TXLNB: variants seen among roughly 807,000 people sequenced by gnomAD.
TXLNB encodes the protein beta-taxilin.
A neutral mutation model predicts 57.4 loss-of-function variants in TXLNB; 37 were observed. The observed-to-expected ratio is 0.64, with a 90% CI of 0.50 to 0.85. TXLNB has a LOEUF of 0.85. Among genes scored for constraint, TXLNB ranks in the 40% least tolerant of loss-of-function variants. The pLI is 0.00. For synonymous variants in TXLNB, 302 were observed against 309.6 expected, an observed-to-expected ratio of 0.98 and a Z score of 0.26; for missense variants, 848 against 825.6, an observed-to-expected ratio of 1.03 and a Z score of -0.33.
intron 1 of TXLNB, among the ~76,000 whole-genome samples, chr6:139,289,930 G>C (rs1450461879): frequency 6.6e-6 from 1 of 152,128 alleles, no homozygotes; most frequent in Non-Finnish European, 1.5e-5. Context: ...TGAATATTTT[G>C]ATGTAAATGC....
At chr6:139,228,495 C>T in the TXLNB span, among the ~76,000 whole-genome samples, 2 of 141,454 alleles carry the variant, frequency 1.4e-5, no homozygotes, top group East Asian at 4.1e-4. Context: ...CACTGCACCC[C>T]AGCCTGGACA....
the TXLNB span, among the ~76,000 whole-genome samples, chr6:139,187,689 G>A: frequency 2.0e-5 from 3 of 152,306 alleles, no homozygotes; most frequent in South Asian, 4.1e-4. Flanking sequence ...GCCTGATAGC[G>A]AGGAGGCTCC....
At chr6:139,183,175 G>A in the TXLNB span, 1 of 152,184 alleles carries the variant, frequency 6.6e-6, no homozygotes, top group Admixed American at 6.5e-5. Context: ...GAGGCCCAAA[G>A]AAGTTAAATC....
chr6:139,250,850 A>G (rs1776187698), intron 7 of TXLNB, among the ~76,000 whole-genome samples: 1 of 152,218 alleles, frequency 6.6e-6, no homozygotes, highest in Non-Finnish European at 1.5e-5. Context: ...AACATGAGCT[A>G]ACAGGCATTA....
chr6:139,226,899 C>T, the TXLNB span, among the ~76,000 whole-genome samples: 12 of 151,904 alleles, frequency 7.9e-5, 1 homozygote, highest in East Asian at 9.7e-4. Context: ...TGGTGGTGCA[C>T]GCCCATAGTC....
chr6:139,323,609 T>A, the TXLNB span, among the ~76,000 whole-genome samples: 2 of 152,186 alleles, frequency 1.3e-5, no homozygotes, highest in Admixed American at 1.3e-4. Context: ...TTTACTTATA[T>A]AATAATAAAG....
At chr6:139,203,310 C>CA in the TXLNB span, among the ~76,000 whole-genome samples, 1 of 152,196 alleles carries the variant, frequency 6.6e-6, no homozygotes, top group African/African-American at 2.4e-5. Context: ...TCTCTCCTTT[C>CA]ACAGCCTAAT....
intron 4 of TXLNB, 22 bp downstream of exon 4, chr6:139,270,434 A>G (rs1460831114): frequency 6.2e-7 from 1 of 1,603,464 alleles, no homozygotes; most frequent in South Asian, 1.1e-5. Context: ...AAATTATGTT[A>G]TTCTGAGGCA....
the TXLNB span, chr6:139,182,855 TAAAAC>T: frequency 6.6e-6 from 1 of 152,216 alleles, no homozygotes; most frequent in African/African-American, 2.4e-5. Context: ...TGAAGTTCAG[TAAAAC>T]AACACTGGTT....
chr6:139,173,139 T>C, the TXLNB span, among the ~76,000 whole-genome samples: 17 of 152,340 alleles, frequency 1.1e-4, no homozygotes, highest in South Asian at 1.0e-3. Context: ...AGATGTGGCA[T>C]GTGAGACCCT....
chr6:139,316,400 G>C, the TXLNB span, among the ~76,000 whole-genome samples: 148 of 152,296 alleles, frequency 9.7e-4, no homozygotes, highest in African/African-American at 3.4e-3. Context: ...TCTTCAGCAA[G>C]AATCCTGTTA....
At chr6:139,208,182 CT>C in the TXLNB span, among the ~76,000 whole-genome samples, 1 of 152,008 alleles carries the variant, frequency 6.6e-6, no homozygotes, top group Admixed American at 6.6e-5. Context: ...TGTACACAAA[CT>C]AGGAATCTAG....
the TXLNB span, among the ~76,000 whole-genome samples, chr6:139,319,091 C>T: frequency 2.0e-5 from 3 of 151,684 alleles, no homozygotes; most frequent in African/African-American, 7.3e-5. Flanking sequence ...TACAGGCACG[C>T]ACCATCATGC....
chr6:139,306,729 C>T, the TXLNB span, among the ~76,000 whole-genome samples: 1 of 152,200 alleles, frequency 6.6e-6, no homozygotes, highest in African/African-American at 2.4e-5. Context: ...GATGCAGAAG[C>T]TAGCACAGCA....
chr6:139,291,152 G>A (rs535308574), intron 1 of TXLNB, among the ~76,000 whole-genome samples: 5 of 152,228 alleles, frequency 3.3e-5, no homozygotes, highest in South Asian at 2.1e-4. Flanking sequence ...AAAGACACAC[G>A]GCACCTGCTG....
At position 139,245,238 on chromosome 6, in the gene TXLNB, A is replaced by G. The variant is rs369427057; in HGVS notation, c.1171-548T>C. 2.8e-4 allele frequency among the ~76,000 whole-genome samples: 42 copies of G among 152,254 alleles called. 1 individual carries two copies. In the South Asian group the frequency reaches 8.1e-3, roughly 29 times the overall value. ...GAAACAGTCCCACAAGGAAGGTTCT[A>G]TTTTCACCCCCATTTTATAAATGGG... On this transcript the variant is annotated intron_variant, in intron 8 of 9. Coordinates refer to ENST00000358430, the MANE Select transcript of TXLNB (RefSeq NM_153235.4).
At chr6:139,294,930 A>C (rs1235323004), upstream of TXLNB, among the ~76,000 whole-genome samples, 1 of 152,092 alleles carries the variant, frequency 6.6e-6, no homozygotes, top group Non-Finnish European at 1.5e-5. Flanking sequence ...CAGAGGTTGC[A>C]GTGAGCCGAG....
At chr6:139,216,450 G>T in the TXLNB span, among the ~76,000 whole-genome samples, 1 of 124,002 alleles carries the variant, frequency 8.1e-6, no homozygotes, top group Non-Finnish European at 1.6e-5. Context: ...ACAGGAAGGG[G>T]AACATCACAC....
At chr6:139,284,839 G>C (rs1312314435) in intron 2 of TXLNB, among the ~76,000 whole-genome samples, 4 of 146,360 alleles carry the variant, frequency 2.7e-5, no homozygotes, top group African/African-American at 1.0e-4. Context: ...AGCTAAGAAG[G>C]CTGCCAAAGC....
Sources: allele counts gnomAD v4.1 joint callset (sites outside exome capture counted in the v4.1 genomes callset), GRCh38; gene constraint gnomAD v4.1.1; transcripts MANE v1.5; gene names NCBI Gene and HGNC (gene_info 2026-07-23, HGNC 2026-07-21).